The following ZNF850 variants were observed in gnomAD, a reference collection of about 807,000 sequenced individuals.
The protein encoded by ZNF850 is zinc finger protein 850.
A neutral mutation model predicts 11.9 loss-of-function variants in ZNF850; 2 were observed. The ratio of observed to expected loss-of-function variants is 0.17; its 90% CI spans 0.07 to 0.53. The LOEUF (loss-of-function observed/expected upper bound fraction) is 0.53, where lower values mean the gene tolerates loss of function less well. ZNF850 is among the 20% of genes least tolerant of loss of function. The pLI is 0.94. For missense variants in ZNF850, 1,014 were observed against 1,316.4 expected (o/e 0.77, Z 3.55); for synonymous variants, 381 against 443.0 (o/e 0.86, Z 1.76).
intron 4 of ZNF850, among the ~76,000 whole-genome samples, chr19:36,756,852 G>C (rs890153460): frequency 2.6e-5 from 4 of 152,160 alleles, no homozygotes; most frequent in African/African-American, 9.7e-5. Context: ...CTGACCTCGT[G>C]ATCCACCCGC....
At chr19:36,760,828 G>A (rs538440005) in intron 4 of ZNF850, among the ~76,000 whole-genome samples, 1 of 152,124 alleles carries the variant, frequency 6.6e-6, no homozygotes, top group Non-Finnish European at 1.5e-5. Flanking sequence ...TTGCACCACT[G>A]CACTCCAGCC....
rs1486169894 is a variant in ZNF850, at chr19:36,748,417, C to T, written c.2623G>A (p.Gly875Arg). 1.3e-6 allele frequency: 2 copies of T among 1,564,270 alleles called. No individual in the cohort carries two copies. The highest frequency in any genetic ancestry group is 2.4e-5 in the East Asian group (1 of 42,462). ...GEKPYHCKEC[G>R]KSFAFRSAII... is the part of the protein sequence containing the mutation. Reference sequence around the variant, plus strand: ...GCTGAGCGAAAAGCAAAAGATTTTCCACATTCCTTACAATGATAGGGTTTC... The same window carrying T: ...GCTGAGCGAAAAGCAAAAGATTTTCTACATTCCTTACAATGATAGGGTTTC... The change falls in exon 5 of 5, where the codon GGA (glycine) becomes AGA (arginine). Residue 875 changes from glycine (G) to arginine (R), a missense_variant. By Grantham distance (125) the Gly-to-Arg change is moderately radical (BLOSUM62 -2). This residue lies in a region of ZNF850 where 179 missense variants were observed against 294.4 expected (regional missense o/e 0.61). Coordinates refer to ENST00000591344, the MANE Select transcript of ZNF850 (RefSeq NM_001193552.2).
chr19:36,751,020 T>C (rs767549391), intron 4 of ZNF850, among the ~76,000 whole-genome samples: 1 of 147,840 alleles, frequency 6.8e-6, no homozygotes, highest in Non-Finnish European at 1.5e-5. Context: ...GAGCTGTGAT[T>C]GTGCCACTAC....
intron 1 of ZNF850, among the ~76,000 whole-genome samples, chr19:36,772,115 A>T (rs545467780): frequency 6.6e-6 from 1 of 152,318 alleles, no homozygotes; most frequent in South Asian, 2.1e-4. Flanking sequence ...CAAAGGACAA[A>T]GGCGTTTCTA....
intron 1 of ZNF850, among the ~76,000 whole-genome samples, chr19:36,765,012 GTA>G (rs1253085628): frequency 6.6e-6 from 1 of 152,044 alleles, no homozygotes; most frequent in Non-Finnish European, 1.5e-5. Flanking sequence ...CTTGCCCCCT[GTA>G]TTAGGGTCAT....
At chr19:36,751,771 A>C (rs1345728760) in intron 4 of ZNF850, among the ~76,000 whole-genome samples, 1 of 151,096 alleles carries the variant, frequency 6.6e-6, no homozygotes, top group African/African-American at 2.4e-5. Context: ...ATAATAATAG[A>C]TCTCAGCACC....
intron 1 of ZNF850, among the ~76,000 whole-genome samples, chr19:36,769,207 A>G (rs893929652): frequency 7.0e-6 from 1 of 143,118 alleles, no homozygotes; most frequent in African/African-American, 2.6e-5. Flanking sequence ...GGCTGCAGTG[A>G]GCTGAGATTG....
In ZNF850 at chr19:36,749,683, C is replaced by T; in HGVS notation, c.1357G>A (p.Glu453Lys). Residue 453 changes from glutamate (E) to lysine (K), a missense_variant, in exon 5 of 5, where the codon GAG becomes AAG. Transcript: ENST00000591344. ...CCCGAAGCAAAAGATTTCCCACACTCCTTACAATCATAGGGTTTCTCACCA... is the reference window on the plus strand; with the variant it reads ...CCCGAAGCAAAAGATTTCCCACACTTCTTACAATCATAGGGTTTCTCACCA... ...HTGEKPYDCK[E>K]CGKSFASGSA... 6.4e-7 allele frequency: 1 copy of T among 1,558,700 alleles called. No homozygotes were observed. Among genetic ancestry groups the T allele is most frequent in the Non-Finnish European group, 8.7e-7 (1 of 1,154,140 alleles).
At chr19:36,758,892 T>C (rs1471538993) in intron 4 of ZNF850, among the ~76,000 whole-genome samples, 2 of 148,048 alleles carry the variant, frequency 1.4e-5, no homozygotes, top group Non-Finnish European at 3.0e-5. Context: ...TCCTGGCCAA[T>C]GTGGTGAAAC....
At chr19:36,762,724 C>A in intron 1 of ZNF850, 49 bp from the exon 2 acceptor site, 1 of 1,133,372 alleles carries the variant, frequency 8.8e-7, no homozygotes, top group South Asian at 1.4e-5. Context: ...AATAAATGAA[C>A]TAGAGTACAA....
intron 4 of ZNF850, among the ~76,000 whole-genome samples, chr19:36,751,465 C>G (rs1352711669): frequency 6.6e-6 from 1 of 151,972 alleles, no homozygotes; most frequent in African/African-American, 2.4e-5. Flanking sequence ...CTTTGGGAGG[C>G]TGAAGCGGGC....
At chr19:36,753,272 A>G (rs543433476) in intron 4 of ZNF850, among the ~76,000 whole-genome samples, 743 of 48,606 alleles carry the variant, frequency 0.015, 23 homozygotes, top group Admixed American at 0.082. Flanking sequence ...TCATCTCAGG[A>G]AAAAAAAAAA....
chr19:36,765,626 C>T (rs1276630472), intron 1 of ZNF850, among the ~76,000 whole-genome samples: 2 of 143,292 alleles, frequency 1.4e-5, no homozygotes, highest in Non-Finnish European at 3.0e-5. Context: ...CTCTTGTTGC[C>T]CAGGCTGGAG....
rs1273165651 is a variant in ZNF850, at chr19:36,744,601, G to A, written c.*3166C>T. 2.6e-5 allele frequency: 4 copies of A among 152,258 alleles called. No individual in the cohort carries two copies. Among genetic ancestry groups the A allele is most frequent in the African/African-American group, 9.7e-5 (4 of 41,386 alleles). The allele number at this position is 152,258 out of a possible 1,614,324, so 9.4% of individuals were successfully genotyped here. On this transcript the variant is annotated 3_prime_UTR_variant, in exon 5 of 5. Coordinates refer to ENST00000591344, the MANE Select transcript of ZNF850 (RefSeq NM_001193552.2). Reference sequence around the variant, plus strand: ...AGATTGTGGCATTGCACTCCAGCCTGGGCAACACAGCAAAAACCTGTCACA... The same window carrying A: ...AGATTGTGGCATTGCACTCCAGCCTAGGCAACACAGCAAAAACCTGTCACA...
Position 36,749,577 on chromosome 19 carries a change from A to C in ZNF850, c.1463T>G (p.Phe488Cys). The change falls in exon 5 of 5, where the codon TTT becomes TGT. Residue 488 changes from phenylalanine to cysteine, a missense_variant. By Grantham distance (205) the Phe-to-Cys change is radical. Transcript: ENST00000591344. ...CCKECGKSFT[F>C]RSTRNRHQRI... Reference sequence around the variant, plus strand: ...CTGGTGTCGATTGCGTGTTGAGCGAAAAGTAAAAGATTTTCCACATTCCTT... The same window carrying C: ...CTGGTGTCGATTGCGTGTTGAGCGACAAGTAAAAGATTTTCCACATTCCTT... The C allele has an allele frequency of 6.5e-7, 1 of 1,543,574 alleles. No homozygotes were observed. Among genetic ancestry groups the C allele is most frequent in the Non-Finnish European group, 8.7e-7 (1 of 1,150,222 alleles).
intron 4 of ZNF850, among the ~76,000 whole-genome samples, chr19:36,759,886 A>C (rs577914766): frequency 1.3e-5 from 2 of 152,176 alleles, no homozygotes; most frequent in East Asian, 3.8e-4. Context: ...CCCTCAGTCT[A>C]TGCTACTTAC....
Position 36,747,640 on chromosome 19 carries a change from A to G in ZNF850, c.*127T>C. 2 of 1,124,672 alleles carry G rather than the reference A, an allele frequency of 1.8e-6. No homozygotes were observed. The highest frequency in any genetic ancestry group is 2.4e-6 in the Non-Finnish European group (2 of 831,578). The allele number at this position is 1,124,672 out of a possible 1,614,324, so 69.7% of individuals were successfully genotyped here. A position where few individuals can be genotyped will look rare whatever the true frequency, so the allele number is the denominator to read the frequency against. On this transcript the variant is annotated 3_prime_UTR_variant, in exon 5 of 5. Coordinates refer to ENST00000591344, the MANE Select transcript of ZNF850 (RefSeq NM_001193552.2). ...GACAGAGCAAGACTCCGTCTCAAAA[A>G]AAAAAAAAAAAGTCGTAATTCTGGA...
chr19:36,759,865 A>G (rs1158028160), intron 4 of ZNF850, among the ~76,000 whole-genome samples: 1 of 152,208 alleles, frequency 6.6e-6, no homozygotes, highest in Non-Finnish European at 1.5e-5. Context: ...TTTCTACTTC[A>G]AAAGAAAAAT....
intron 4 of ZNF850, among the ~76,000 whole-genome samples, chr19:36,759,438 G>A (rs867285834): frequency 2.0e-5 from 3 of 152,046 alleles, no homozygotes; most frequent in African/African-American, 7.2e-5. Context: ...TTGTGCCACC[G>A]TACTCCAGCA....
Sources: allele counts gnomAD v4.1 joint callset (sites outside exome capture counted in the v4.1 genomes callset), GRCh38; gene constraint gnomAD v4.1.1; regional missense constraint gnomAD v4.1.1; transcripts MANE v1.5; gene names NCBI Gene and HGNC (gene_info 2026-07-23, HGNC 2026-07-21).